LDLRAD3: variants seen among roughly 807,000 people sequenced by gnomAD.
The protein encoded by LDLRAD3 is low-density lipoprotein receptor class A domain-containing protein 3.
LDLRAD3 carries 20 observed loss-of-function variants against 29.4 expected under a neutral mutation model. The ratio of observed to expected loss-of-function variants is 0.68; its 90% CI spans 0.48 to 0.99. The LOEUF (loss-of-function observed/expected upper bound fraction) is 0.99. LDLRAD3 is among the 50% of genes least tolerant of loss of function. The pLI is 0.00. For missense variants in LDLRAD3, 420 were observed against 454.3 expected (o/e 0.92, Z 0.69); for synonymous variants, 157 against 192.7 (o/e 0.81, Z 1.53).
chr11:36,034,868 C>T (rs1305801196), intron 1 of LDLRAD3, among the ~76,000 whole-genome samples: 1 of 152,126 alleles, frequency 6.6e-6, no homozygotes, highest in Non-Finnish European at 1.5e-5. Flanking sequence ...AAGAACAGCA[C>T]GCATAAAGGA....
chr11:35,982,054 C>T (rs1292857276), intron 1 of LDLRAD3, among the ~76,000 whole-genome samples: 1 of 152,112 alleles, frequency 6.6e-6, no homozygotes, highest in Admixed American at 6.5e-5. Context: ...CACTCAGGAA[C>T]AGGCACTATA....
At position 36,101,829 on chromosome 11, in the gene LDLRAD3, T is replaced by G. The variant is rs16928403; in HGVS notation, c.454+3368T>G. The G allele has an allele frequency of 5.4e-3, 1,541 of 283,550 alleles. 19 individuals carry two copies. Among genetic ancestry groups the G allele is most frequent in the African/African-American group, 0.033 (1,404 of 42,634 alleles). The allele number at this position is 283,550 out of a possible 1,614,324, so 17.6% of individuals were successfully genotyped here. ...GTATTTTCCTGAAGAATCTCAGAGA[T>G]AGTTTGACTAGACAAAATATTGCCC... On this transcript the variant is annotated intron_variant, in intron 4 of 5. Coordinates refer to ENST00000315571, the MANE Select transcript of LDLRAD3 (RefSeq NM_174902.4).
chr11:35,997,546 C>A, intron 1 of LDLRAD3: 2 of 350,760 alleles, frequency 5.7e-6, no homozygotes, highest in South Asian at 5.7e-5. Flanking sequence ...TTGGCAGTGT[C>A]ATCACCAACC....
intron 2 of LDLRAD3, among the ~76,000 whole-genome samples, chr11:36,069,738 C>T (rs1436166641): frequency 6.6e-6 from 1 of 151,608 alleles, no homozygotes; most frequent in Non-Finnish European, 1.5e-5. Context: ...CCACATTGTT[C>T]TGCCTCCAGG....
intron 4 of LDLRAD3, among the ~76,000 whole-genome samples, chr11:36,161,540 A>C (rs1006983913): frequency 2.6e-5 from 4 of 152,112 alleles, no homozygotes; most frequent in Admixed American, 2.6e-4. Flanking sequence ...AAAAATCCCT[A>C]CCCTTGTGGA....
intron 4 of LDLRAD3, among the ~76,000 whole-genome samples, chr11:36,210,654 C>CTTCAT (rs1349545079): frequency 6.6e-6 from 1 of 152,166 alleles, no homozygotes; most frequent in African/African-American, 2.4e-5. Flanking sequence ...TCCACCAAGA[C>CTTCAT]TTCATTTCAA....
At chr11:36,163,124 A>G (rs1032992257) in intron 4 of LDLRAD3, among the ~76,000 whole-genome samples, 6 of 152,240 alleles carry the variant, frequency 3.9e-5, no homozygotes, top group African/African-American at 1.4e-4. Flanking sequence ...ATTAGGCGAG[A>G]AGCCAGGGCG....
chr11:36,069,975 T>C (rs965716349), intron 2 of LDLRAD3, among the ~76,000 whole-genome samples: 2 of 152,200 alleles, frequency 1.3e-5, no homozygotes, highest in African/African-American at 2.4e-5. Flanking sequence ...GAAACCGACC[T>C]TCCCCTGAGA....
intron 3 of LDLRAD3, among the ~76,000 whole-genome samples, chr11:36,097,662 T>C (rs10836490): frequency 0.5 from 75,319 of 151,982 alleles, 20,311 homozygotes; most frequent in Non-Finnish European, 0.6. Context: ...GGTTAAAAGA[T>C]ACAAACATAG....
chr11:35,966,808 G>C (rs1463838324), intron 1 of LDLRAD3, among the ~76,000 whole-genome samples: 2 of 152,222 alleles, frequency 1.3e-5, no homozygotes, highest in East Asian at 3.8e-4. Context: ...CCACAAAGGG[G>C]TTGGGAACTC....
At chr11:36,140,684 G>A (rs1854068651) in intron 4 of LDLRAD3, among the ~76,000 whole-genome samples, 1 of 152,102 alleles carries the variant, frequency 6.6e-6, no homozygotes, top group Non-Finnish European at 1.5e-5. Flanking sequence ...GCCTCCCTAA[G>A]TGCTGGGATT....
chr11:36,070,421 A>C, intron 2 of LDLRAD3, among the ~76,000 whole-genome samples: 1 of 152,152 alleles, frequency 6.6e-6, no homozygotes, highest in Non-Finnish European at 1.5e-5. Flanking sequence ...GCAGTGTTGA[A>C]ATGGGGAAAG....
rs549480517 is a variant in LDLRAD3, at chr11:36,040,545, A to G, written c.193+4296A>G. ...TTTTCTCTTTATCATTTTTAGTGCCATTAACTTGCTATAATATGGTTTATT... is the reference window on the plus strand; with the variant it reads ...TTTTCTCTTTATCATTTTTAGTGCCGTTAACTTGCTATAATATGGTTTATT... On this transcript the variant is annotated intron_variant, in intron 2 of 5. Coordinates refer to ENST00000315571, the MANE Select transcript of LDLRAD3 (RefSeq NM_174902.4). Among the ~76,000 whole-genome samples, 5 of 152,202 alleles carry G rather than the reference A, an allele frequency of 3.3e-5. No individual in the cohort carries two copies. The East Asian group carries it at 9.7e-4, about 29-fold the overall frequency.
chr11:36,017,536 T>C (rs1439280890), intron 1 of LDLRAD3, among the ~76,000 whole-genome samples: 35 of 4,946 alleles, frequency 7.1e-3, no homozygotes, highest in South Asian at 9.4e-3. Flanking sequence ...TTTTATCATC[T>C]TTTTTTTTTT....
At chr11:36,043,492 C>A (rs988993458) in intron 2 of LDLRAD3, among the ~76,000 whole-genome samples, 4 of 152,176 alleles carry the variant, frequency 2.6e-5, no homozygotes, top group African/African-American at 9.7e-5. Flanking sequence ...AAATCCAAAC[C>A]CCCGGTATCT....
chr11:36,059,036 A>G (rs556455009), intron 2 of LDLRAD3, among the ~76,000 whole-genome samples: 2 of 152,266 alleles, frequency 1.3e-5, no homozygotes, highest in East Asian at 3.9e-4. Flanking sequence ...GTGCTCTCAG[A>G]GCATTTCTCA....
intron 1 of LDLRAD3, among the ~76,000 whole-genome samples, chr11:35,948,542 G>A (rs200172389): frequency 6.6e-6 from 1 of 152,240 alleles, no homozygotes; most frequent in East Asian, 1.9e-4. Flanking sequence ...TCACTTGGAT[G>A]CTAAGGAGTA....
At chr11:36,134,875 G>A (rs1430751389) in intron 4 of LDLRAD3, among the ~76,000 whole-genome samples, 1 of 152,170 alleles carries the variant, frequency 6.6e-6, no homozygotes, top group Non-Finnish European at 1.5e-5. Flanking sequence ...GGACCAGGAG[G>A]TATCATCTGC....
rs145705864 is a variant in LDLRAD3 at position 36,149,423 on chromosome 11, T to C, written c.454+50962T>C. Reference sequence around the variant, plus strand: ...AAAAAGGGGAAAGAAAGTATCAGTATGCAGTCGCTAGAAAGGATAGGACAA... The same window carrying C: ...AAAAAGGGGAAAGAAAGTATCAGTACGCAGTCGCTAGAAAGGATAGGACAA... On this transcript the variant is annotated intron_variant, in intron 4 of 5. Coordinates refer to ENST00000315571, the MANE Select transcript of LDLRAD3 (RefSeq NM_174902.4). 5.3e-4 allele frequency among the ~76,000 whole-genome samples: 80 copies of C among 152,310 alleles called. 1 individual carries two copies. The highest frequency in any genetic ancestry group is 2.3e-3 in the Admixed American group (35 of 15,302).
Sources: allele counts gnomAD v4.1 joint callset (sites outside exome capture counted in the v4.1 genomes callset), GRCh38; gene constraint gnomAD v4.1.1; transcripts MANE v1.5; gene names NCBI Gene and HGNC (gene_info 2026-07-23, HGNC 2026-07-21).